The following TAFA1 variants were observed in gnomAD, a reference collection of about 807,000 sequenced individuals.
TAFA1 encodes the protein chemokine-like protein TAFA-1.
In TAFA1, 4 loss-of-function variants were observed where a neutral mutation model predicts 18.5. The ratio of observed to expected loss-of-function variants is 0.22; its 90% CI spans 0.11 to 0.49. The LOEUF (loss-of-function observed/expected upper bound fraction) is 0.49. Ranked by LOEUF, TAFA1 falls within the 20% of genes least tolerant of loss-of-function variation. The pLI is 0.98. For synonymous variants in TAFA1, 56 were observed against 55.2 expected, an observed-to-expected ratio of 1.01 and a Z score of -0.06; for missense variants, 147 against 169.0, an observed-to-expected ratio of 0.87 and a Z score of 0.72.
chr3:68,345,846 G>T (rs545822178), intron 2 of TAFA1, among the ~76,000 whole-genome samples: 11 of 152,124 alleles, frequency 7.2e-5, no homozygotes, highest in Non-Finnish European at 1.5e-4. Context: ...TGGATGAAAA[G>T]ATATACTGAG....
intron 2 of TAFA1, among the ~76,000 whole-genome samples, chr3:68,113,888 GTTTTTTTTGTTTTTTTT>G (rs1032463953): frequency 1.9e-4 from 11 of 57,862 alleles, no homozygotes; most frequent in Non-Finnish European, 2.7e-4. Context: ...TTGGGGTGTA[GTTTTTTTTGTTTTTTTT>G]TTTTTTTTTT....
intron 2 of TAFA1, among the ~76,000 whole-genome samples, chr3:68,079,237 A>G (rs1196153621): frequency 6.6e-6 from 1 of 152,038 alleles, no homozygotes; most frequent in African/African-American, 2.4e-5. Flanking sequence ...TAGTCTATCA[A>G]TTTAGTTGAT....
intron 3 of TAFA1, among the ~76,000 whole-genome samples, chr3:68,483,632 G>T (rs1034345629): frequency 6.6e-6 from 1 of 152,218 alleles, no homozygotes; most frequent in Non-Finnish European, 1.5e-5. Flanking sequence ...TAGACAGGGA[G>T]ATGTGGTTGG....
chr3:68,291,438 G>C (rs551481825), intron 2 of TAFA1, among the ~76,000 whole-genome samples: 10 of 152,154 alleles, frequency 6.6e-5, no homozygotes, highest in African/African-American at 2.4e-4. Flanking sequence ...AAGGTGAGTA[G>C]TATTGCAGAT....
intron 3 of TAFA1, among the ~76,000 whole-genome samples, chr3:68,475,709 G>A (rs2072080625): frequency 6.6e-6 from 1 of 152,030 alleles, no homozygotes; most frequent in Non-Finnish European, 1.5e-5. Context: ...GGTATTTCTA[G>A]TTCTAGATCC....
At chr3:68,383,296 A>G (rs1200312169) in intron 2 of TAFA1, among the ~76,000 whole-genome samples, 2 of 152,144 alleles carry the variant, frequency 1.3e-5, no homozygotes, top group African/African-American at 2.4e-5. Flanking sequence ...GCTTTTGCCA[A>G]TTCAGTATGA....
At chr3:68,201,407 T>A (rs2066468505) in intron 2 of TAFA1, among the ~76,000 whole-genome samples, 1 of 151,706 alleles carries the variant, frequency 6.6e-6, no homozygotes, top group Non-Finnish European at 1.5e-5. Flanking sequence ...TCACTTGTGG[T>A]GGTGGTGAAT....
At chr3:68,070,363 G>T (rs966295140) in intron 2 of TAFA1, among the ~76,000 whole-genome samples, 1 of 152,204 alleles carries the variant, frequency 6.6e-6, no homozygotes, top group Non-Finnish European at 1.5e-5. Flanking sequence ...GCTGCAGTTG[G>T]AACAGCTGGG....
At chr3:68,448,213 G>A (rs1321333116) in intron 3 of TAFA1, among the ~76,000 whole-genome samples, 1 of 152,050 alleles carries the variant, frequency 6.6e-6, no homozygotes, top group African/African-American at 2.4e-5. Context: ...AGTGTTATAA[G>A]GTCCACAGAC....
At chr3:68,032,594 T>A (rs1206001026) in intron 2 of TAFA1, among the ~76,000 whole-genome samples, 1 of 152,136 alleles carries the variant, frequency 6.6e-6, no homozygotes, top group Non-Finnish European at 1.5e-5. Flanking sequence ...TGTGTCATCT[T>A]CCATGTTCAT....
chr3:68,035,680 G>T (rs1322451185), intron 2 of TAFA1, among the ~76,000 whole-genome samples: 1 of 152,176 alleles, frequency 6.6e-6, no homozygotes, highest in Non-Finnish European at 1.5e-5. Flanking sequence ...CCACTTCTGA[G>T]TATTCGCCCA....
At chr3:68,515,897 C>T (rs2072913367) in intron 3 of TAFA1, among the ~76,000 whole-genome samples, 1 of 152,198 alleles carries the variant, frequency 6.6e-6, no homozygotes, top group Non-Finnish European at 1.5e-5. Flanking sequence ...TTGAAATTAG[C>T]ACCCCCTCTT....
chr3:67,998,900 T>C, the TAFA1 span, among the ~76,000 whole-genome samples: 22 of 152,328 alleles, frequency 1.4e-4, no homozygotes, highest in South Asian at 4.1e-4. Context: ...TGCATGTTTG[T>C]TTTTCTGTTA....
chr3:68,263,440 C>CACACGT (rs1339277388), intron 2 of TAFA1, among the ~76,000 whole-genome samples: 3 of 124,764 alleles, frequency 2.4e-5, no homozygotes, highest in African/African-American at 1.0e-4. Flanking sequence ...TTTAACCACA[C>CACACGT]ACACATACAC....
At chr3:68,248,963 C>T (rs1211493919) in intron 2 of TAFA1, among the ~76,000 whole-genome samples, 1 of 152,036 alleles carries the variant, frequency 6.6e-6, no homozygotes, top group Non-Finnish European at 1.5e-5. Context: ...TCCTGTCCAG[C>T]CCTCTGCCAC....
intron 2 of TAFA1, among the ~76,000 whole-genome samples, chr3:68,366,085 CAAAA>C (rs35861602): frequency 1.1e-5 from 1 of 93,850 alleles, no homozygotes. Context: ...GACTCCATCT[CAAAA>C]AAAAAAAAAA....
intron 2 of TAFA1, among the ~76,000 whole-genome samples, chr3:68,256,267 A>C (rs2067296160): frequency 6.6e-6 from 1 of 152,152 alleles, no homozygotes; most frequent in African/African-American, 2.4e-5. Context: ...TCCTCACCTC[A>C]AAAAGTCTTC....
At chr3:68,198,849 A>G (rs1457255155) in intron 2 of TAFA1, among the ~76,000 whole-genome samples, 3 of 151,538 alleles carry the variant, frequency 2.0e-5, no homozygotes, top group Admixed American at 2.0e-4. Flanking sequence ...TAAAAATATC[A>G]GAGAATGGAC....
chr3:68,098,286 A>T (rs1329567435), intron 2 of TAFA1, among the ~76,000 whole-genome samples: 1 of 152,136 alleles, frequency 6.6e-6, no homozygotes, highest in Non-Finnish European at 1.5e-5. Flanking sequence ...TGTTACATGC[A>T]TCTAAATGAC....
Sources: gnomAD v4.1 joint callset for allele counts (sites outside exome capture counted in the v4.1 genomes callset) on GRCh38, gnomAD v4.1.1 for gene constraint, MANE v1.5 for transcripts, NCBI Gene and HGNC (gene_info 2026-07-23, HGNC 2026-07-21) for gene names.